The following HS3ST3A1 variants were observed in gnomAD, a reference collection of about 807,000 sequenced individuals.
HS3ST3A1 encodes heparan sulfate glucosamine 3-O-sulfotransferase 3A1.
In HS3ST3A1, 19 loss-of-function variants were observed where a neutral mutation model predicts 25.7. That is an observed-to-expected ratio of 0.74 (90% CI 0.52 to 1.08). The LOEUF (loss-of-function observed/expected upper bound fraction) is 1.08. Among genes scored for constraint, HS3ST3A1 ranks in the 50% least tolerant of loss-of-function variants. The pLI is 0.00. For missense variants in HS3ST3A1, 459 were observed against 594.3 expected (o/e 0.77, Z 2.37); for synonymous variants, 226 against 278.6 (o/e 0.81, Z 1.88).
intron 1 of HS3ST3A1, among the ~76,000 whole-genome samples, chr17:13,541,032 A>T (rs540881719): frequency 3.3e-4 from 51 of 152,308 alleles, no homozygotes; most frequent in African/African-American, 1.2e-3. Context: ...CTCCCTACTG[A>T]TGCTGTAAAA....
intron 1 of HS3ST3A1, among the ~76,000 whole-genome samples, chr17:13,520,270 T>C (rs1906188962): frequency 6.6e-6 from 1 of 152,370 alleles, no homozygotes; most frequent in African/African-American, 2.4e-5. Flanking sequence ...TATGCTATTA[T>C]TTTCTCATGT....
Position 13,600,710 on chromosome 17 carries a change from G to T in HS3ST3A1, c.420C>A (p.Thr140=), listed in dbSNP as rs774232805. 6.4e-7 allele frequency: 1 copy of T among 1,558,990 alleles called. No individual in the cohort carries two copies. The highest frequency in any genetic ancestry group is 8.6e-7 in the Non-Finnish European group (1 of 1,159,652). ...TGCCTTCGTCCAGGAGCAGCGCCAG[G>T]GTCCCCGGCGGGGCCTCGGCCACGG... The part of the protein sequence containing the change: ...GSTVAEAPPG[T]LALLLDEGSK... Residue 140 remains threonine, a synonymous_variant, in exon 1 of 2, where the codon ACC becomes ACA. Coordinates refer to ENST00000284110, the MANE Select transcript of HS3ST3A1 (RefSeq NM_006042.3).
intron 1 of HS3ST3A1, among the ~76,000 whole-genome samples, chr17:13,585,224 G>GA (rs1215761604): frequency 1.4e-5 from 1 of 72,094 alleles, no homozygotes; most frequent in Non-Finnish European, 2.4e-5. Context: ...TTTTGAGACA[G>GA]AGTCTTGCTC....
chr17:13,544,277 TAAG>T (rs1378783740), intron 1 of HS3ST3A1, among the ~76,000 whole-genome samples: 3 of 152,204 alleles, frequency 2.0e-5, no homozygotes, highest in Admixed American at 6.5e-5. Flanking sequence ...CCTTACATCA[TAAG>T]AAGAAGAGCA....
intron 1 of HS3ST3A1, among the ~76,000 whole-genome samples, chr17:13,590,909 G>C (rs896878718): frequency 2.4e-4 from 27 of 113,074 alleles, no homozygotes; most frequent in Admixed American, 1.2e-3. Flanking sequence ...CACTGGATTG[G>C]GGGGGGATCC....
chr17:13,500,373 A>G (rs901394627), intron 1 of HS3ST3A1, among the ~76,000 whole-genome samples: 1 of 152,232 alleles, frequency 6.6e-6, no homozygotes, highest in Non-Finnish European at 1.5e-5. Context: ...CACCAACCTA[A>G]TACTATGACT....
At chr17:13,507,865 G>C (rs1211823784) in intron 1 of HS3ST3A1, among the ~76,000 whole-genome samples, 1 of 152,176 alleles carries the variant, frequency 6.6e-6, no homozygotes. Flanking sequence ...CTGGGAGCAG[G>C]GGAAACTGCT....
chr17:13,499,983 T>C (rs77588464), intron 1 of HS3ST3A1, among the ~76,000 whole-genome samples: 2,987 of 152,316 alleles, frequency 0.02, 105 homozygotes, highest in African/African-American at 0.068. Context: ...ATGGTTGCTT[T>C]GTAACAGGAC....
At chr17:13,507,832 T>C (rs559821033) in intron 1 of HS3ST3A1, among the ~76,000 whole-genome samples, 47 of 152,346 alleles carry the variant, frequency 3.1e-4, no homozygotes, top group African/African-American at 1.1e-3. Flanking sequence ...AGGTAGTTCC[T>C]GTGGGTCCTC....
chr17:13,500,506 C>T (rs186942556), intron 1 of HS3ST3A1, among the ~76,000 whole-genome samples: 3 of 152,264 alleles, frequency 2.0e-5, no homozygotes, highest in African/African-American at 4.8e-5. Flanking sequence ...TGATAAATCA[C>T]GTGAGGTTTG....
At chr17:13,590,147 C>T (rs977985452) in intron 1 of HS3ST3A1, among the ~76,000 whole-genome samples, 19 of 152,194 alleles carry the variant, frequency 1.2e-4, no homozygotes, top group African/African-American at 4.1e-4. Flanking sequence ...AAGCAGGCAA[C>T]GGCCATAAAA....
At chr17:13,536,481 TC>T (rs1906773887) in intron 1 of HS3ST3A1, among the ~76,000 whole-genome samples, 1 of 152,210 alleles carries the variant, frequency 6.6e-6, no homozygotes, top group African/African-American at 2.4e-5. Context: ...GAGTGGGTAT[TC>T]CCCTCTGCAC....
intron 1 of HS3ST3A1, among the ~76,000 whole-genome samples, chr17:13,534,574 A>G (rs1268487186): frequency 2.1e-5 from 3 of 140,876 alleles, no homozygotes; most frequent in African/African-American, 5.4e-5. Context: ...AAAAAAAAAA[A>G]AAAGTTAGCC....
At chr17:13,549,641 A>G (rs1380358775) in intron 1 of HS3ST3A1, among the ~76,000 whole-genome samples, 3 of 151,704 alleles carry the variant, frequency 2.0e-5, no homozygotes, top group Non-Finnish European at 4.4e-5. Flanking sequence ...GTTGCTCCCC[A>G]CTCTACTGGG....
At chr17:13,552,133 G>A (rs1567621878) in intron 1 of HS3ST3A1, among the ~76,000 whole-genome samples, 1 of 152,150 alleles carries the variant, frequency 6.6e-6, no homozygotes, top group Non-Finnish European at 1.5e-5. Flanking sequence ...AGGCTGGAGT[G>A]CAGTGGCACG....
intron 1 of HS3ST3A1, among the ~76,000 whole-genome samples, chr17:13,584,322 G>T (rs376183267): frequency 2.4e-4 from 37 of 151,834 alleles, no homozygotes; most frequent in African/African-American, 8.2e-4. Flanking sequence ...AAATGTTCAC[G>T]AAAATTAAAC....
At chr17:13,530,179 T>C (rs577585345) in intron 1 of HS3ST3A1, among the ~76,000 whole-genome samples, 84 of 152,136 alleles carry the variant, frequency 5.5e-4, no homozygotes, top group Non-Finnish European at 1.0e-3. Flanking sequence ...CTCAGACATA[T>C]GCAGTCCCAC....
At position 13,496,790 on chromosome 17, in the gene HS3ST3A1, G is replaced by A; in HGVS notation, c.628C>T (p.Gln210Ter). ...RDLMPRTLDG[Q>*]ITMEKTPSYF... The stretch of plus-strand genomic sequence containing the variant: ...CTGGGCGTCTTCTCCATGGTGATCT[G>A]CCCGTCCAGGGTTCTGGGCATCAGG... Residue 210 changes from glutamine (Q) to a stop codon, truncating the protein, a stop_gained, in exon 2 of 2, where the codon CAG becomes TAG. Coordinates refer to ENST00000284110, the MANE Select transcript of HS3ST3A1 (RefSeq NM_006042.3). LOFTEE classifies it high-confidence loss of function. The A allele has an allele frequency of 1.2e-6, 2 of 1,613,832 alleles. No homozygotes were observed. The highest frequency in any genetic ancestry group is 1.7e-6 in the Non-Finnish European group (2 of 1,179,830).
chr17:13,584,983 T>G (rs12600939), intron 1 of HS3ST3A1, among the ~76,000 whole-genome samples: 1 of 151,774 alleles, frequency 6.6e-6, no homozygotes, highest in Admixed American at 6.6e-5. Flanking sequence ...AGGTCACCAA[T>G]GACTTCTTAA....
Sources: allele counts gnomAD v4.1 joint callset (sites outside exome capture counted in the v4.1 genomes callset), GRCh38; gene constraint gnomAD v4.1.1; transcripts MANE v1.5; gene names NCBI Gene and HGNC (gene_info 2026-07-23, HGNC 2026-07-21).